The following PRELID2 variants were observed in gnomAD, a reference collection of about 807,000 sequenced individuals.
PRELID2 encodes PRELI domain-containing protein 2.
In PRELID2, 25 loss-of-function variants were observed where a neutral mutation model predicts 28.4. The ratio of observed to expected loss-of-function variants is 0.88; its 90% confidence interval spans 0.64 to 1.23. PRELID2 has a LOEUF of 1.23. PRELID2 is among the 50% of genes most tolerant of loss of function. The probability of loss-of-function intolerance (pLI) is 0.00; values close to 1 mark genes in which losing one functional copy is unlikely to be tolerated. For missense variants in PRELID2, 201 were observed against 214.4 expected, an observed-to-expected ratio of 0.94 and a Z score of 0.39; for synonymous variants, 76 against 71.6, an observed-to-expected ratio of 1.06 and a Z score of -0.31.
the PRELID2 span, among the ~76,000 whole-genome samples, chr5:145,377,276 T>C: frequency 6.6e-6 from 1 of 152,200 alleles, no homozygotes; most frequent in Non-Finnish European, 1.5e-5. Context: ...TTTCAGTTCT[T>C]TTGCACTGGC....
chr5:145,573,911 AC>A, intron 1 of PRELID2, among the ~76,000 whole-genome samples: 1 of 152,092 alleles, frequency 6.6e-6, no homozygotes, highest in South Asian at 2.1e-4. Context: ...CATTTTATAA[AC>A]TCTGCATTCT....
chr5:145,797,661 A>G (rs763909968), intron 4 of PRELID2, among the ~76,000 whole-genome samples: 1 of 152,130 alleles, frequency 6.6e-6, no homozygotes, highest in Non-Finnish European at 1.5e-5. Flanking sequence ...ACAAGTCCAG[A>G]GAAGATGCAT....
At chr5:145,493,242 T>TA (rs1453112590) in intron 1 of PRELID2, among the ~76,000 whole-genome samples, 4 of 95,704 alleles carry the variant, frequency 4.2e-5, no homozygotes, top group Admixed American at 1.1e-4. Flanking sequence ...TGAAGTCAGC[T>TA]TTAATACTCC....
intron 1 of PRELID2, among the ~76,000 whole-genome samples, chr5:145,625,378 G>C (rs560548168): frequency 7.9e-5 from 12 of 152,136 alleles, no homozygotes; most frequent in Admixed American, 7.2e-4. Context: ...TTGTTATATA[G>C]CAATGAAAAT....
intron 1 of PRELID2, among the ~76,000 whole-genome samples, chr5:145,527,351 C>T (rs1323862500): frequency 6.6e-6 from 1 of 152,088 alleles, no homozygotes; most frequent in African/African-American, 2.4e-5. Flanking sequence ...CATCAATTTC[C>T]TGATTGTGAT....
chr5:145,452,892 G>C, the PRELID2 span, among the ~76,000 whole-genome samples: 1,453 of 152,192 alleles, frequency 9.5e-3, 11 homozygotes, highest in Middle Eastern at 0.054. Flanking sequence ...CCATTTCCTG[G>C]GTGACAAGAG....
the PRELID2 span, among the ~76,000 whole-genome samples, chr5:145,354,743 A>G: frequency 6.6e-6 from 1 of 152,204 alleles, no homozygotes; most frequent in Non-Finnish European, 1.5e-5. Flanking sequence ...CAGAGAGAGG[A>G]GTAGATAGGT....
chr5:145,762,381 G>C (rs1003751182), intron 6 of PRELID2, among the ~76,000 whole-genome samples: 7 of 150,994 alleles, frequency 4.6e-5, no homozygotes, highest in African/African-American at 1.7e-4. Context: ...TATAAAAAAG[G>C]AAAAAATTAG....
chr5:145,758,944 T>C lies in PRELID2; in HGVS notation c.*1592A>G, dbSNP rs1757344917. ...ATCAATGGATTAAGTGGAAAAATTT[T>C]CAGACATTTTAAAAAAAAATTTCCC... On this transcript the variant is annotated 3_prime_UTR_variant, in exon 7 of 7. Transcript: ENST00000683046. 1 of 151,168 alleles carries C rather than the reference T, an allele frequency of 6.6e-6. No homozygotes were observed. The highest frequency in any genetic ancestry group is 2.1e-4 in the South Asian group (1 of 4,800). 9.4% of individuals were successfully genotyped at this position (151,168 alleles called of 1,614,324 possible). A position where few individuals can be genotyped will look rare whatever the true frequency, so the allele number is the denominator to read the frequency against.
At chr5:145,422,039 G>A in the PRELID2 span, among the ~76,000 whole-genome samples, 86,485 of 133,890 alleles carry the variant, frequency 0.65, 28,486 homozygotes, top group Non-Finnish European at 0.7. Flanking sequence ...GTAGTTGAGT[G>A]GTTTTGAGTG....
the PRELID2 span, among the ~76,000 whole-genome samples, chr5:145,302,289 C>A: frequency 3.3e-5 from 5 of 151,812 alleles, no homozygotes; most frequent in Non-Finnish European, 7.4e-5. Context: ...AGCTGGGCAC[C>A]ACCACGCCTG....
chr5:145,555,366 A>G (rs1337421426), intron 1 of PRELID2, among the ~76,000 whole-genome samples: 1 of 152,228 alleles, frequency 6.6e-6, no homozygotes, highest in Non-Finnish European at 1.5e-5. Flanking sequence ...AAAGTATTTA[A>G]AGATCTCCAG....
intron 1 of PRELID2, among the ~76,000 whole-genome samples, chr5:145,491,073 A>G (rs1297224933): frequency 1.3e-5 from 2 of 152,082 alleles, no homozygotes; most frequent in Non-Finnish European, 2.9e-5. Flanking sequence ...AATTTAATGT[A>G]TTAAACTGAT....
At chr5:145,756,185 G>A (rs1174750678), downstream of PRELID2, among the ~76,000 whole-genome samples, 2 of 152,130 alleles carry the variant, frequency 1.3e-5, no homozygotes, top group Non-Finnish European at 2.9e-5. Context: ...AAACTCTAAT[G>A]TCTCACCTTG....
intron 1 of PRELID2, among the ~76,000 whole-genome samples, chr5:145,532,832 A>G (rs1470625134): frequency 6.6e-5 from 10 of 152,070 alleles, no homozygotes; most frequent in Non-Finnish European, 1.3e-4. Context: ...TCCATTGTGT[A>G]TATATGACAT....
At chr5:145,583,068 C>T (rs1409233914) in intron 1 of PRELID2, among the ~76,000 whole-genome samples, 2 of 152,120 alleles carry the variant, frequency 1.3e-5, no homozygotes, top group African/African-American at 4.8e-5. Context: ...CAAAATCCAG[C>T]AGCACATCAA....
At chr5:145,464,693 ATC>A in the PRELID2 span, among the ~76,000 whole-genome samples, 1 of 152,074 alleles carries the variant, frequency 6.6e-6, no homozygotes, top group Non-Finnish European at 1.5e-5. Context: ...GATGTTACTT[ATC>A]TGTTTTTCTC....
the PRELID2 span, among the ~76,000 whole-genome samples, chr5:145,324,720 T>A: frequency 2.0e-5 from 3 of 152,236 alleles, no homozygotes; most frequent in Non-Finnish European, 4.4e-5. Flanking sequence ...AAATGCTTTA[T>A]ATTATTAATT....
intron 1 of PRELID2, among the ~76,000 whole-genome samples, chr5:145,501,354 T>A (rs970217516): frequency 1.3e-5 from 2 of 152,138 alleles, no homozygotes; most frequent in Non-Finnish European, 1.5e-5. Flanking sequence ...CTACTAACTT[T>A]TACTGTGTAT....
Sources: allele counts gnomAD v4.1 joint callset (sites outside exome capture counted in the v4.1 genomes callset), GRCh38; gene constraint gnomAD v4.1.1; transcripts MANE v1.5; gene names NCBI Gene and HGNC (gene_info 2026-07-23, HGNC 2026-07-21).